Variants in CYLC2 observed in about 807,000 individuals in gnomAD.
CYLC2 encodes cylicin-2.
Under a neutral mutation model 26.1 loss-of-function variants are expected in CYLC2, and 30 were observed. The ratio of observed to expected loss-of-function variants is 1.15; its 90% CI spans 0.86 to 1.56. The LOEUF is 1.56. Ranked by LOEUF, CYLC2 falls within the 40% of genes most tolerant of loss-of-function variation. The probability of loss-of-function intolerance (pLI) is 0.00; values close to 1 mark genes in which losing one functional copy is unlikely to be tolerated. For synonymous variants in CYLC2, 158 were observed against 132.8 expected (o/e 1.19, Z -1.31); for missense variants, 498 against 394.4 (o/e 1.26, Z -2.23).
intron 6 of CYLC2, among the ~76,000 whole-genome samples, chr9:103,012,617 G>C (rs1829419280): frequency 6.6e-6 from 1 of 151,818 alleles, no homozygotes; most frequent in South Asian, 2.1e-4. Flanking sequence ...GTAAAATATA[G>C]AATAAAAGTA....
chr9:103,014,294 T>G (rs1468110136), intron 6 of CYLC2, among the ~76,000 whole-genome samples: 1 of 133,098 alleles, frequency 7.5e-6, no homozygotes, highest in African/African-American at 2.8e-5. Context: ...GTATACATAA[T>G]ATTACATATA....
intron 7 of CYLC2, 111 bp from the exon 8 acceptor site, chr9:103,018,214 G>A (rs554723706): frequency 6.6e-6 from 1 of 152,076 alleles, no homozygotes; most frequent in South Asian, 2.1e-4. Context: ...TGACATAATT[G>A]AAATCCATGT....
chr9:103,003,155 CA>C lies in CYLC2; in HGVS notation c.78del (p.Lys26AsnfsTer36), dbSNP rs777849652. The part of the protein sequence containing the change: ...DNYIPVSELS[K>X]KSWNQQHFAL... ...CCCTTATTTTAGTCAGTGAATTAAGCAAAAAATCATGGAATCAGCAACACTT... is the reference window on the plus strand; with the variant it reads ...CCCTTATTTTAGTCAGTGAATTAAGCAAAAATCATGGAATCAGCAACACTT... On this transcript the variant is annotated frameshift_variant, in exon 3 of 8. Coordinates refer to ENST00000374798, the MANE Select transcript of CYLC2 (RefSeq NM_001340.5). LOFTEE classifies it high-confidence loss of function. The C allele has an allele frequency of 6.2e-7, 1 of 1,613,188 alleles. No homozygotes were observed. Among genetic ancestry groups the C allele is most frequent in the East Asian group, 2.2e-5 (1 of 44,784 alleles).
In CYLC2 at chr9:103,005,600, TAAG is replaced by T. The variant is rs1564098119; in HGVS notation, c.973_975del (p.Lys325del). 7.4e-6 allele frequency: 12 copies of T among 1,611,074 alleles called. No homozygotes were observed. Among genetic ancestry groups the T allele is most frequent in the Non-Finnish European group, 3.4e-6 (4 of 1,178,262 alleles). On this transcript the variant is annotated inframe_deletion, in exon 5 of 8. Transcript: ENST00000374798. ...CAAAGAAGGATGCAAAGAAAAATGCTAAGAAGGATGCAAAGAAGGATGCAAAGA... is the reference window on the plus strand; with the variant it reads ...CAAAGAAGGATGCAAAGAAAAATGCTAAGGATGCAAAGAAGGATGCAAAGA...
At chr9:103,012,453 T>C (rs1234774853) in intron 6 of CYLC2, among the ~76,000 whole-genome samples, 1 of 152,086 alleles carries the variant, frequency 6.6e-6, no homozygotes, top group African/African-American at 2.4e-5. Context: ...ACACCGAATA[T>C]TTTCTAAGGG....
At chr9:103,009,715 C>T (rs925409335) in intron 5 of CYLC2, among the ~76,000 whole-genome samples, 2 of 151,918 alleles carry the variant, frequency 1.3e-5, no homozygotes, top group African/African-American at 4.8e-5. Context: ...CTTCAATTCC[C>T]CACTACCTTT....
intron 1 of CYLC2, among the ~76,000 whole-genome samples, chr9:102,998,266 C>T (rs897295851): frequency 6.6e-6 from 1 of 151,772 alleles, no homozygotes; most frequent in Non-Finnish European, 1.5e-5. Flanking sequence ...AATCATTTTT[C>T]CCTCTTCTTA....
chr9:103,006,771 G>A (rs1263114306), intron 5 of CYLC2, among the ~76,000 whole-genome samples: 1 of 152,018 alleles, frequency 6.6e-6, no homozygotes, highest in Non-Finnish European at 1.5e-5. Flanking sequence ...ATTTTTGAGG[G>A]TACATAGTAG....
At chr9:103,014,161 A>C (rs1829458390) in intron 6 of CYLC2, among the ~76,000 whole-genome samples, 1 of 121,528 alleles carries the variant, frequency 8.2e-6, no homozygotes, top group Non-Finnish European at 1.6e-5. Context: ...TTAATATATA[A>C]TATGAATATT....
At chr9:103,000,128 A>G (rs1389703740) in intron 1 of CYLC2, among the ~76,000 whole-genome samples, 1 of 151,866 alleles carries the variant, frequency 6.6e-6, no homozygotes, top group Non-Finnish European at 1.5e-5. Flanking sequence ...GCAGTATTCT[A>G]TCATTTTCAT....
rs1829350196 is a variant in CYLC2, at chr9:103,006,322, AC to A, written c.*645del. On this transcript the variant is annotated 3_prime_UTR_variant, in exon 5 of 8. Transcript: ENST00000374798. ...CTTTCTTTCTGAAGTTTAAACAACC[AC>A]AGTCATGTTTATGGTTGTTGGATGT... The A allele has an allele frequency of 6.6e-6, 1 of 152,130 alleles. No homozygotes were observed. Among genetic ancestry groups the A allele is most frequent in the South Asian group, 2.1e-4 (1 of 4,824 alleles). The allele number at this position is 152,130 out of a possible 1,614,324, so 9.4% of individuals were successfully genotyped here.
chr9:102,995,492 A>T, intron 1 of CYLC2, 95 bp downstream of exon 1: 1 of 893,306 alleles, frequency 1.1e-6, no homozygotes, highest in Non-Finnish European at 1.8e-6. Flanking sequence ...TATTATTATG[A>T]TGCCATTCAT....
chr9:103,003,153 A>G lies in CYLC2; in HGVS notation c.70A>G (p.Ser24Gly). 1 of 1,613,684 alleles carries G rather than the reference A, an allele frequency of 6.2e-7. No homozygotes were observed. The highest frequency in any genetic ancestry group is 8.5e-7 in the Non-Finnish European group (1 of 1,179,776). ...CTCCCTTATTTTAGTCAGTGAATTA[A>G]GCAAAAAATCATGGAATCAGCAACA... Reference protein sequence around the residue: ...YDNYIPVSELSKKSWNQQHFA... With the variant: ...YDNYIPVSELGKKSWNQQHFA... The change falls in exon 3 of 8, where the codon AGC becomes GGC. Residue 24 changes from serine (S) to glycine (G), a missense_variant. Coordinates refer to ENST00000374798, the MANE Select transcript of CYLC2 (RefSeq NM_001340.5).
In CYLC2 at chr9:103,004,796, C is replaced by T. The variant is rs138926365; in HGVS notation, c.282C>T (p.Ala94=). 1 of 1,612,718 alleles carries T rather than the reference C, an allele frequency of 6.2e-7. No individual in the cohort carries two copies. The highest frequency in any genetic ancestry group is 8.5e-7 in the Non-Finnish European group (1 of 1,179,596). The change falls in exon 4 of 8, where the codon GCC becomes GCT. Residue 94 remains alanine (A), a synonymous_variant. Coordinates refer to ENST00000374798, the MANE Select transcript of CYLC2 (RefSeq NM_001340.5). The part of the protein sequence containing the change: ...ISERPSVYLA[A]RRQPLKPTRT... ...AGAGACCATCTGTTTATTTAGCTGC[C>T]AGGAGGCAGCCTCTCAAACCAACTC...
Position 103,005,326 on chromosome 9 carries a change from T to A in CYLC2, c.695T>A (p.Ile232Lys). ...TCAAAGAAGGGCAAGGATTCAGCCA[T>A]AGAATTACAAGCTGTAAAAGCAGAT... ...KDSKKGKDSAIELQAVKADEK... is the reference protein window; with the variant it reads ...KDSKKGKDSAKELQAVKADEK... Residue 232 changes from isoleucine (I) to lysine (K), a missense_variant, in exon 5 of 8, where the codon ATA (isoleucine) becomes AAA (lysine). By Grantham distance (102) the Ile-to-Lys change is moderately radical (BLOSUM62 -3). Transcript: ENST00000374798. 6.2e-7 allele frequency: 1 copy of A among 1,613,578 alleles called. No homozygotes were observed. Among genetic ancestry groups the A allele is most frequent in the East Asian group, 2.2e-5 (1 of 44,830 alleles).
rs775213952 is a variant in CYLC2, at chr9:103,005,607, G to C, written c.976G>C (p.Asp326His). The stretch of plus-strand genomic sequence containing the variant: ...GGATGCAAAGAAAAATGCTAAGAAG[G>C]ATGCAAAGAAGGATGCAAAGAAGAA... ...KKDAKKNAKK[D>H]AKKDAKKNAK... Residue 326 changes from aspartate to histidine, a missense_variant, in exon 5 of 8, where the codon GAT becomes CAT. Transcript: ENST00000374798. The C allele has an allele frequency of 1.2e-6, 2 of 1,609,092 alleles. No individual in the cohort carries two copies. The highest frequency in any genetic ancestry group is 1.7e-5 in the Admixed American group (1 of 59,584).
At chr9:103,011,328 G>T (rs552468973) in intron 5 of CYLC2, among the ~76,000 whole-genome samples, 1 of 151,968 alleles carries the variant, frequency 6.6e-6, no homozygotes, top group Non-Finnish European at 1.5e-5. Context: ...TTTAAAACAG[G>T]TTTTTCAAGT....
At chr9:102,996,381 G>A (rs973720451) in intron 1 of CYLC2, among the ~76,000 whole-genome samples, 6 of 151,752 alleles carry the variant, frequency 4.0e-5, no homozygotes, top group Admixed American at 1.3e-4. Context: ...TTGTTATCAT[G>A]AGCATCAAAT....
chr9:103,002,421 A>G (rs933078514), intron 2 of CYLC2, among the ~76,000 whole-genome samples: 16 of 121,292 alleles, frequency 1.3e-4, no homozygotes, highest in African/African-American at 5.2e-4. Context: ...GCTGGAGTGC[A>G]GTGGCATGAT....
Sources: allele counts gnomAD v4.1 joint callset (sites outside exome capture counted in the v4.1 genomes callset), GRCh38; gene constraint gnomAD v4.1.1; transcripts MANE v1.5; gene names NCBI Gene and HGNC (gene_info 2026-07-23, HGNC 2026-07-21).